Variants in FAAH2 observed in about 807,000 individuals in gnomAD.
FAAH2 encodes the protein fatty-acid amide hydrolase 2.
A neutral mutation model predicts 36.9 loss-of-function variants in FAAH2; 60 were observed. The ratio of observed to expected loss-of-function variants is 1.63; its 90% CI spans 1.32 to 2.02. FAAH2 has a LOEUF of 2.02. FAAH2 is among the 30% of genes most tolerant of loss of function. The probability of loss-of-function intolerance (pLI) is 0.00; values close to 1 mark genes in which losing one functional copy is unlikely to be tolerated. For missense variants in FAAH2, 689 were observed against 397.5 expected (o/e 1.73, Z -6.23); for synonymous variants, 214 against 143.8 (o/e 1.49, Z -3.49).
chrX:57,123,454 A>G, the FAAH2 span, among the ~76,000 whole-genome samples: 1 of 112,344 alleles, frequency 8.9e-6, no homozygotes, highest in East Asian at 2.8e-4. Context: ...ATAGTGCCGC[A>G]ATAAACGTAT....
chrX:57,381,600 A>G (rs2147226529), intron 7 of FAAH2: 1 of 582,808 alleles, frequency 1.7e-6, no homozygotes, highest in East Asian at 1.7e-4. Context: ...ATAATGGTAA[A>G]GGGATCAATT....
At chrX:57,287,151 G>T in intron 1 of FAAH2, 134 bp downstream of exon 1, 1 of 621,782 alleles carries the variant, frequency 1.6e-6, no homozygotes, top group Non-Finnish European at 2.4e-6. Flanking sequence ...TATTGGGGAT[G>T]AAGGGAGACT....
At chrX:57,486,701 T>C (rs990534165) in intron 10 of FAAH2, among the ~76,000 whole-genome samples, 11 of 111,656 alleles carry the variant, frequency 9.9e-5, no homozygotes, top group Admixed American at 8.6e-4. Flanking sequence ...TGGATATATG[T>C]TTACAGCTCT....
At chrX:57,409,696 G>T (rs1020692853) in intron 7 of FAAH2, among the ~76,000 whole-genome samples, 3 of 110,576 alleles carry the variant, frequency 2.7e-5, no homozygotes, top group African/African-American at 9.8e-5. Flanking sequence ...ACATATAATT[G>T]TTTATATTAG....
At chrX:57,410,244 G>T (rs959261959) in intron 7 of FAAH2, among the ~76,000 whole-genome samples, 9 of 111,207 alleles carry the variant, frequency 8.1e-5, no homozygotes, top group Non-Finnish European at 1.7e-4. Context: ...CGATTTTGAT[G>T]TTTTTAAATT....
chrX:57,440,872 GT>G (rs762315589), intron 8 of FAAH2, among the ~76,000 whole-genome samples: 1 of 111,462 alleles, frequency 9.0e-6, no homozygotes, highest in African/African-American at 3.3e-5. Context: ...TGTGTTTTTT[GT>G]CTTTGGTTCT....
At position 57,310,585 on chromosome X, in the gene FAAH2, C is replaced by A. The variant is rs376933678; in HGVS notation, c.276-8C>A. 6.7e-6 allele frequency: 8 copies of A among 1,190,675 alleles called. No individual in the cohort carries two copies. The highest frequency in any genetic ancestry group is 9.0e-6 in the Non-Finnish European group (8 of 888,213). On this transcript the variant is annotated splice_polypyrimidine_tract_variant and splice_region_variant and intron_variant, in intron 2 of 10. Transcript: ENST00000374900. ...AGTTAAAGTTTGCATTGTTTTATTTCTTCTTAGGTTTGAGGAAGCGATGAA... is the reference window on the plus strand; with the variant it reads ...AGTTAAAGTTTGCATTGTTTTATTTATTCTTAGGTTTGAGGAAGCGATGAA...
intron 7 of FAAH2, among the ~76,000 whole-genome samples, chrX:57,424,037 C>T (rs989171602): frequency 8.9e-6 from 1 of 111,748 alleles, no homozygotes; most frequent in African/African-American, 3.3e-5. Context: ...CTGCTGCCTT[C>T]ATTGCCCACA....
chrX:57,217,918 G>A, the FAAH2 span, among the ~76,000 whole-genome samples: 1 of 111,643 alleles, frequency 9.0e-6, no homozygotes, highest in Non-Finnish European at 1.9e-5. Context: ...TATGAGCATG[G>A]CATGTGTTTC....
At chrX:57,238,468 G>A in the FAAH2 span, among the ~76,000 whole-genome samples, 1 of 110,711 alleles carries the variant, frequency 9.0e-6, no homozygotes, top group East Asian at 2.8e-4. Flanking sequence ...ACACATAGAG[G>A]GGAACAACAG....
the FAAH2 span, among the ~76,000 whole-genome samples, chrX:57,269,767 A>T: frequency 9.0e-6 from 1 of 111,475 alleles, no homozygotes; most frequent in South Asian, 3.7e-4. Context: ...GCCCACAGAA[A>T]AAAGTTAGAA....
chrX:57,395,707 G>A (rs1374979723), intron 7 of FAAH2, among the ~76,000 whole-genome samples: 3 of 111,341 alleles, frequency 2.7e-5, no homozygotes, highest in African/African-American at 9.8e-5. Flanking sequence ...TTGAATCTCT[G>A]GTATCAAACC....
chrX:57,469,682 C>T (rs1284603611), intron 10 of FAAH2, among the ~76,000 whole-genome samples: 3 of 111,488 alleles, frequency 2.7e-5, no homozygotes, highest in Admixed American at 1.9e-4. Context: ...CAACATTAGA[C>T]AGATCAGTGA....
At chrX:57,252,618 G>C in the FAAH2 span, among the ~76,000 whole-genome samples, 1 of 112,013 alleles carries the variant, frequency 8.9e-6, no homozygotes, top group African/African-American at 3.3e-5. Flanking sequence ...GTGATACCCA[G>C]GCAAACAGGG....
In FAAH2 at chrX:57,435,496, G is replaced by A. The variant is rs574378428; in HGVS notation, c.1116+3459G>A. ...ATACATAGACTGAGAGAAAAGGGTT[G>A]AAAAAAGATATTTTATGGAAATAGA... On this transcript the variant is annotated intron_variant, in intron 8 of 10. Coordinates refer to ENST00000374900, the MANE Select transcript of FAAH2 (RefSeq NM_174912.4). Among the ~76,000 whole-genome samples, 75 of 110,168 alleles carry A rather than the reference G, an allele frequency of 6.8e-4. 2 individuals carry two copies. The South Asian group carries it at 0.028, about 41-fold the overall frequency.
chrX:57,349,434 CAT>C (rs2053935864), intron 5 of FAAH2, among the ~76,000 whole-genome samples: 1 of 92,115 alleles, frequency 1.1e-5, no homozygotes, highest in Non-Finnish European at 2.1e-5. Context: ...CATATATATA[CAT>C]ATATACACAT....
chrX:57,352,112 A>T (rs1386815856), intron 5 of FAAH2, among the ~76,000 whole-genome samples: 5 of 49,321 alleles, frequency 1.0e-4, no homozygotes, highest in Non-Finnish European at 1.6e-4. Flanking sequence ...ATATATGTGT[A>T]TATATATGCA....
At chrX:57,340,352 T>C (rs2053656228) in intron 4 of FAAH2, among the ~76,000 whole-genome samples, 1 of 111,837 alleles carries the variant, frequency 8.9e-6, no homozygotes, top group South Asian at 3.8e-4. Context: ...TTAATCTCCT[T>C]TGCAACACTC....
At chrX:57,446,800 G>T in intron 8 of FAAH2, 128 bp from the exon 9 acceptor site, 1 of 425,934 alleles carries the variant, frequency 2.3e-6, no homozygotes, top group Non-Finnish European at 4.1e-6. Context: ...TTTTATTTAT[G>T]TATTCATCAA....
Sources: gnomAD v4.1 joint callset for allele counts (sites outside exome capture counted in the v4.1 genomes callset) on GRCh38, gnomAD v4.1.1 for gene constraint, MANE v1.5 for transcripts, NCBI Gene and HGNC (gene_info 2026-07-23, HGNC 2026-07-21) for gene names.